The following SP4 variants were observed in gnomAD, a reference collection of about 807,000 sequenced individuals.
The protein encoded by SP4 is transcription factor Sp4.
A neutral mutation model predicts 72.8 loss-of-function variants in SP4; 19 were observed. The ratio of observed to expected loss-of-function variants is 0.26; its 90% CI spans 0.18 to 0.38. The LOEUF is 0.38. SP4 is among the 10% of genes least tolerant of loss of function. SP4 has a pLI of 1.00. For missense variants in SP4, 1,008 were observed against 926.3 expected, an observed-to-expected ratio of 1.09 and a Z score of -1.14; for synonymous variants, 395 against 333.1, an observed-to-expected ratio of 1.19 and a Z score of -2.02.
At chr7:21,435,917 A>G (rs192706996) in intron 3 of SP4, among the ~76,000 whole-genome samples, 573 of 151,438 alleles carry the variant, frequency 3.8e-3, no homozygotes, top group Non-Finnish European at 6.3e-3. Flanking sequence ...GTTTGTTTGC[A>G]TTTGAGATGG....
At chr7:21,470,396 T>A (rs1241564455) in intron 3 of SP4, among the ~76,000 whole-genome samples, 1 of 152,196 alleles carries the variant, frequency 6.6e-6, no homozygotes, top group Admixed American at 6.5e-5. Flanking sequence ...TAAATTCTAA[T>A]TCAACCAATT....
chr7:21,511,170 A>C lies in SP4; in HGVS notation c.2256A>C (p.Thr752=). ...CGGGAGAACTGGACTCATCTGTTAC[A>C]GAGGTGCTTGGCTCCCCAAGAATTG... ...VTSGELDSSV[T]EVLGSPRIVT... The change falls in exon 6 of 6, where the codon ACA becomes ACC. Residue 752 remains threonine, a synonymous_variant. Coordinates refer to ENST00000222584, the MANE Select transcript of SP4 (RefSeq NM_003112.5). 1 of 1,614,208 alleles carries C rather than the reference A, an allele frequency of 6.2e-7. No individual in the cohort carries two copies.
chr7:21,441,558 T>C (rs745712528), intron 3 of SP4, among the ~76,000 whole-genome samples: 5 of 152,196 alleles, frequency 3.3e-5, no homozygotes, highest in Non-Finnish European at 7.3e-5. Flanking sequence ...ATTGGAGATA[T>C]TGAGTAAAAA....
At chr7:21,449,693 C>G (rs1312499583) in intron 3 of SP4, among the ~76,000 whole-genome samples, 3 of 152,126 alleles carry the variant, frequency 2.0e-5, no homozygotes, top group African/African-American at 4.8e-5. Context: ...TGGTTCTGCT[C>G]TCTTTGTTTA....
chr7:21,510,875 G>T, intron 5 of SP4, 147 bp from the exon 6 acceptor site: 1 of 708,636 alleles, frequency 1.4e-6, no homozygotes. Context: ...TTGTGTATTT[G>T]ATAACGTTTT....
chr7:21,463,550 G>A (rs77715350), intron 3 of SP4, among the ~76,000 whole-genome samples: 2,239 of 152,248 alleles, frequency 0.015, 47 homozygotes, highest in East Asian at 0.078. Context: ...GAGGAGGGTT[G>A]GATTGAGAGT....
In SP4 at chr7:21,428,226, C is replaced by T; in HGVS notation, c.-26C>T. On this transcript the variant is annotated 5_prime_UTR_variant, in exon 1 of 6. Coordinates refer to ENST00000222584, the MANE Select transcript of SP4 (RefSeq NM_003112.5). ...CCCACCTCTATCCCAGTGTCTCCGT[C>T]TGAGGGTTTGTCCTGTTAATGCGGG... The T allele has an allele frequency of 4.8e-6, 6 of 1,248,966 alleles. No homozygotes were observed. Among genetic ancestry groups the T allele is most frequent in the Non-Finnish European group, 6.5e-6 (6 of 920,470 alleles). 77.4% of individuals were successfully genotyped at this position (1,248,966 alleles called of 1,614,324 possible). A position where few individuals can be genotyped will look rare whatever the true frequency, so the allele number is the denominator to read the frequency against.
chr7:21,469,403 G>A (rs1008006467), intron 3 of SP4, among the ~76,000 whole-genome samples: 1 of 152,048 alleles, frequency 6.6e-6, no homozygotes, highest in Non-Finnish European at 1.5e-5. Context: ...TCTATGGTGA[G>A]CATGCTTTGT....
chr7:21,443,168 A>AT (rs1002161395), intron 3 of SP4, among the ~76,000 whole-genome samples: 2 of 152,150 alleles, frequency 1.3e-5, no homozygotes, highest in African/African-American at 4.8e-5. Flanking sequence ...TTATAATTCT[A>AT]TTTTTTCTCA....
intron 3 of SP4, among the ~76,000 whole-genome samples, chr7:21,466,831 A>T (rs917359298): frequency 6.6e-6 from 1 of 151,812 alleles, no homozygotes; most frequent in Non-Finnish European, 1.5e-5. Context: ...GAATCTCTCT[A>T]GTCATATGTC....
At chr7:21,454,317 A>C (rs1463568290) in intron 3 of SP4, among the ~76,000 whole-genome samples, 1 of 151,634 alleles carries the variant, frequency 6.6e-6, no homozygotes, top group Non-Finnish European at 1.5e-5. Context: ...TAACCTTTAC[A>C]ATTATATAAC....
intron 3 of SP4, among the ~76,000 whole-genome samples, chr7:21,446,706 G>A (rs1166796462): frequency 6.6e-6 from 1 of 152,140 alleles, no homozygotes; most frequent in Non-Finnish European, 1.5e-5. Flanking sequence ...CTGAGCCAGT[G>A]GGAAAGCTCA....
intron 5 of SP4, among the ~76,000 whole-genome samples, chr7:21,491,940 A>C (rs1784989716): frequency 6.6e-6 from 1 of 152,236 alleles, no homozygotes; most frequent in African/African-American, 2.4e-5. Context: ...TAATGAAGGA[A>C]GGGCAAAAAA....
intron 3 of SP4, among the ~76,000 whole-genome samples, chr7:21,468,749 C>T (rs1306029362): frequency 1.3e-5 from 2 of 151,934 alleles, no homozygotes; most frequent in South Asian, 2.1e-4. Context: ...TATTTCTTGC[C>T]TTACTACATT....
chr7:21,466,461 A>G (rs1056634092), intron 3 of SP4, among the ~76,000 whole-genome samples: 1 of 152,188 alleles, frequency 6.6e-6, no homozygotes. Context: ...CACAGCTCCC[A>G]GGTCCTCAAA....
chr7:21,482,197 G>T (rs1442356890), intron 5 of SP4, 74 bp downstream of exon 5: 8 of 1,180,262 alleles, frequency 6.8e-6, no homozygotes, highest in Non-Finnish European at 7.4e-6. Context: ...TGATAGTTTA[G>T]CTATCAAATT....
chr7:21,429,081 T>C (rs1384972111), intron 2 of SP4, among the ~76,000 whole-genome samples: 1 of 152,198 alleles, frequency 6.6e-6, no homozygotes, highest in Non-Finnish European at 1.5e-5. Flanking sequence ...GAAATTTCCT[T>C]TTATTTAAAC....
chr7:21,478,818 C>T (rs1413339157), intron 4 of SP4, among the ~76,000 whole-genome samples: 2 of 152,004 alleles, frequency 1.3e-5, no homozygotes, highest in Non-Finnish European at 2.9e-5. Flanking sequence ...GCCTGTAATC[C>T]CAGCACTTCG....
chr7:21,464,844 CTCATTGTACA>C (rs1784118688), intron 3 of SP4, among the ~76,000 whole-genome samples: 1 of 152,172 alleles, frequency 6.6e-6, no homozygotes, highest in Admixed American at 6.5e-5. Context: ...ACTATGGTGA[CTCATTGTACA>C]TCTAAAGGAC....
Sources: allele counts gnomAD v4.1 joint callset (sites outside exome capture counted in the v4.1 genomes callset), GRCh38; gene constraint gnomAD v4.1.1; transcripts MANE v1.5; gene names NCBI Gene and HGNC (gene_info 2026-07-23, HGNC 2026-07-21).